The following RNF220 variants were observed in gnomAD, a reference collection of about 807,000 sequenced individuals.
RNF220 encodes the protein ring finger protein 220.
A neutral mutation model predicts 67.1 loss-of-function variants in RNF220; 7 were observed. That is an observed-to-expected ratio of 0.10 (90% CI 0.06 to 0.20). The LOEUF is 0.20. Ranked by LOEUF, RNF220 falls within the 10% of genes least tolerant of loss-of-function variation. The pLI, the probability that RNF220 is intolerant of heterozygous loss-of-function variation, is 1.00. For missense variants in RNF220, 565 were observed against 740.3 expected (o/e 0.76, Z 2.75); for synonymous variants, 270 against 283.2 (o/e 0.95, Z 0.47).
intron 2 of RNF220, among the ~76,000 whole-genome samples, chr1:44,571,937 A>G (rs747781921): frequency 4.6e-5 from 7 of 151,938 alleles, no homozygotes; most frequent in African/African-American, 9.7e-5. Context: ...CGTTCATCCT[A>G]CCCTTAAATA....
rs1472406445 is a variant in RNF220, at chr1:44,645,268, C to T, written c.1358C>T (p.Ala453Val). ...TRITPEFSKW[A>V]SDEMPSTSNG... ...ATCACACCTGAGTTCTCTAAATGGG[C>T]CAGTGATGGTAAGTCCTGCCCCAGG... is the stretch of plus-strand genomic sequence containing the variant. Residue 453 changes from alanine to valine, a missense_variant, in exon 11 of 15, where the codon GCC becomes GTC. Coordinates refer to ENST00000361799, the MANE Select transcript of RNF220 (RefSeq NM_018150.4). This position sits in a 1 kb window ranked among gnomAD's most constrained non-coding sequence, Gnocchi z 5.0. The T allele has an allele frequency of 1.9e-6, 3 of 1,614,010 alleles. No homozygotes were observed. Among genetic ancestry groups the T allele is most frequent in the East Asian group, 2.2e-5 (1 of 44,858 alleles).
intron 2 of RNF220, among the ~76,000 whole-genome samples, chr1:44,486,099 T>C (rs1656274705): frequency 6.6e-6 from 1 of 152,226 alleles, no homozygotes. Context: ...ATTCAGCAAC[T>C]CTCTGAATAC....
At chr1:44,551,261 C>T (rs933276129) in intron 2 of RNF220, among the ~76,000 whole-genome samples, 24 of 151,642 alleles carry the variant, frequency 1.6e-4, no homozygotes, top group African/African-American at 5.6e-4. Flanking sequence ...ATTACAGGCA[C>T]GGGCCACCAC....
chr1:44,420,396 A>G (rs1649078355), intron 2 of RNF220, among the ~76,000 whole-genome samples: 1 of 152,244 alleles, frequency 6.6e-6, no homozygotes, highest in African/African-American at 2.4e-5. Flanking sequence ...CAGCAGAGAC[A>G]GAAAGCTGTA....
At position 44,527,925 on chromosome 1, in the gene RNF220, C is replaced by CAAAAAAAAAAAAAAAAAAA. The variant is rs56409207; in HGVS notation, c.626-86232_626-86214dup. Among the ~76,000 whole-genome samples, 22 of 56,192 alleles carry CAAAAAAAAAAAAAAAAAAA rather than the reference C, an allele frequency of 3.9e-4. 7 individuals are homozygous for CAAAAAAAAAAAAAAAAAAA. Among genetic ancestry groups the CAAAAAAAAAAAAAAAAAAA allele is most frequent in the East Asian group, 5.8e-4 (1 of 1,738 alleles). The allele number at this position is 56,192 out of a possible 152,430, so 36.9% of individuals were successfully genotyped here. ...TGGGTGACAGAGCAAGACTCCATCC[C>CAAAAAAAAAAAAAAAAAAA]AAAAAAAAAAAAAAAAAAAAAAAAA... On this transcript the variant is annotated intron_variant, in intron 2 of 14. Transcript: ENST00000361799.
At chr1:44,413,264 G>A (rs1166852585) in intron 2 of RNF220, among the ~76,000 whole-genome samples, 1 of 152,162 alleles carries the variant, frequency 6.6e-6, no homozygotes, top group Non-Finnish European at 1.5e-5. Context: ...TCACCATAAA[G>A]CATTTCACAC....
intron 2 of RNF220, among the ~76,000 whole-genome samples, chr1:44,558,159 GATGTGTTC>G (rs930775279): frequency 3.3e-5 from 5 of 152,210 alleles, no homozygotes; most frequent in Non-Finnish European, 7.4e-5. Flanking sequence ...AGGGGGTTTT[GATGTGTTC>G]ATCACAAAAG....
At chr1:44,494,267 G>A (rs1432192455) in intron 2 of RNF220, among the ~76,000 whole-genome samples, 1 of 151,868 alleles carries the variant, frequency 6.6e-6, no homozygotes, top group Admixed American at 6.6e-5. Flanking sequence ...GGGGATGGTG[G>A]AGAAGGGATG....
intron 5 of RNF220, among the ~76,000 whole-genome samples, chr1:44,627,344 CAAAAAAAAAAAAAAA>C (rs35722890): frequency 4.7e-5 from 2 of 42,254 alleles, no homozygotes; most frequent in Admixed American, 3.3e-4. Context: ...GACTCCGTCT[CAAAAAAAAAAAAAAA>C]AAAAAAAAAA....
At chr1:44,522,246 C>T (rs1384200347) in intron 2 of RNF220, among the ~76,000 whole-genome samples, 1 of 152,204 alleles carries the variant, frequency 6.6e-6, no homozygotes, top group Admixed American at 6.5e-5. Flanking sequence ...TGAATTCCAG[C>T]TCTGTCGCGT....
chr1:44,650,708 C>G lies in RNF220; in HGVS notation c.1634C>G (p.Ala545Gly). Reference sequence around the variant, plus strand: ...CCCTCCCTGTTCTCCCTGCAGGGTGCCAAGAAGCTCTGCCCTCAGTGCAAC... The same window carrying G: ...CCCTCCCTGTTCTCCCTGCAGGGTGGCAAGAAGCTCTGCCCTCAGTGCAAC... The part of the protein sequence containing the change: ...CEECWLRTLG[A>G]KKLCPQCNTI... The change falls in exon 15 of 15, where the codon GCC (alanine) becomes GGC (glycine). Residue 545 changes from alanine (A) to glycine (G), a missense_variant. Ala to Gly is a moderately conservative substitution (Grantham distance 60). Coordinates refer to ENST00000361799, the MANE Select transcript of RNF220 (RefSeq NM_018150.4). The surrounding 1 kb of genome is among the most constrained non-coding windows in gnomAD (Gnocchi z 4.3). 6.2e-7 allele frequency: 1 copy of G among 1,613,862 alleles called. No homozygotes were observed. Among genetic ancestry groups the G allele is most frequent in the Non-Finnish European group, 8.5e-7 (1 of 1,179,918 alleles).
chr1:44,458,273 C>T (rs981959774), intron 2 of RNF220, among the ~76,000 whole-genome samples: 2 of 150,832 alleles, frequency 1.3e-5, no homozygotes, highest in African/African-American at 4.9e-5. Context: ...AAAAAAATAA[C>T]AAGAAACTTA....
At chr1:44,572,014 C>T (rs1450100832) in intron 2 of RNF220, among the ~76,000 whole-genome samples, 1 of 152,242 alleles carries the variant, frequency 6.6e-6, no homozygotes, top group Non-Finnish European at 1.5e-5. Context: ...ACATTGCCAT[C>T]TCTCACCCCA....
intron 2 of RNF220, among the ~76,000 whole-genome samples, chr1:44,510,357 C>T (rs887699977): frequency 6.6e-6 from 1 of 152,000 alleles, no homozygotes; most frequent in African/African-American, 2.4e-5. Flanking sequence ...CCTCAGCTAC[C>T]CCAGGGCACA....
intron 2 of RNF220, among the ~76,000 whole-genome samples, chr1:44,426,998 A>G (rs930508903): frequency 6.6e-5 from 10 of 152,210 alleles, no homozygotes; most frequent in African/African-American, 2.4e-4. Flanking sequence ...AGAGAAGAAC[A>G]TAGTATCACT....
chr1:44,505,191 T>C (rs1658302565), intron 2 of RNF220, among the ~76,000 whole-genome samples: 1 of 152,254 alleles, frequency 6.6e-6, no homozygotes, highest in African/African-American at 2.4e-5. Context: ...CAGATCTGCC[T>C]GACTTCAGAG....
intron 2 of RNF220, among the ~76,000 whole-genome samples, chr1:44,455,892 C>T (rs1653126433): frequency 1.3e-5 from 2 of 152,186 alleles, no homozygotes; most frequent in Admixed American, 1.3e-4. Context: ...CTGAACCGAT[C>T]TCAGAACACC....
intron 3 of RNF220, among the ~76,000 whole-genome samples, chr1:44,618,475 G>A (rs956655967): frequency 6.6e-6 from 1 of 152,198 alleles, no homozygotes; most frequent in African/African-American, 2.4e-5. Context: ...ATCAGAGGCT[G>A]TGCTAACACT....
chr1:44,620,551 T>G (rs149385605), intron 3 of RNF220, among the ~76,000 whole-genome samples: 204 of 152,366 alleles, frequency 1.3e-3, no homozygotes, highest in African/African-American at 4.8e-3. Flanking sequence ...AGCAGCTCCG[T>G]GCCCTTCTTG....
Sources: gnomAD v4.1 joint callset for allele counts (sites outside exome capture counted in the v4.1 genomes callset) on GRCh38, gnomAD v4.1.1 for gene constraint, Gnocchi (gnomAD v3.1) non-coding constraint, MANE v1.5 for transcripts, NCBI Gene and HGNC (gene_info 2026-07-23, HGNC 2026-07-21) for gene names.